Variants in SLC1A2 observed in about 807,000 individuals in gnomAD.
SLC1A2 encodes the protein excitatory amino acid transporter 2.
Under a neutral mutation model 48.8 loss-of-function variants are expected in SLC1A2, and 15 were observed. The observed-to-expected ratio is 0.31, with a 90% CI of 0.21 to 0.47. The LOEUF (loss-of-function observed/expected upper bound fraction) is 0.47, where lower values mean the gene tolerates loss of function less well. SLC1A2 is among the 20% of genes least tolerant of loss of function. The probability of loss-of-function intolerance (pLI) is 0.99; values close to 1 mark genes in which losing one functional copy is unlikely to be tolerated. For missense variants in SLC1A2, 502 were observed against 730.5 expected (o/e 0.69, Z 3.61); for synonymous variants, 279 against 272.6 (o/e 1.02, Z -0.23).
intron 4 of SLC1A2, among the ~76,000 whole-genome samples, chr11:35,308,592 G>A (rs1446244866): frequency 6.6e-6 from 1 of 152,288 alleles, no homozygotes; most frequent in African/African-American, 2.4e-5. Flanking sequence ...AGGTAGAAAG[G>A]CAAAGAGAGG....
Position 35,312,416 on chromosome 11 carries a change from G to C in SLC1A2, c.343C>G (p.Arg115Gly). The C allele has an allele frequency of 6.2e-7, 1 of 1,614,078 alleles. No individual in the cohort carries two copies. The highest frequency in any genetic ancestry group is 8.5e-7 in the Non-Finnish European group (1 of 1,179,968). Residue 115 changes from arginine to glycine, a missense_variant, in exon 4 of 11, where the codon CGC (arginine) becomes GGC (glycine). Physicochemically the swap from Arg to Gly is moderately radical, Grantham distance 125 (BLOSUM62 -2). This residue lies in a region of SLC1A2 where 309 missense variants were observed against 480.3 expected (regional missense o/e 0.64). Coordinates refer to ENST00000278379, the MANE Select transcript of SLC1A2 (RefSeq NM_004171.4). ...LSGLDAKASG[R>G]LGTRAMVYYM... Reference sequence around the variant, plus strand: ...TACACCATGGCTCTCGTGCCCAAGCGGCCACTAGCCTTAGCATCCAGGCCT... The same window carrying C: ...TACACCATGGCTCTCGTGCCCAAGCCGCCACTAGCCTTAGCATCCAGGCCT...
rs756647232 is a variant in SLC1A2, at chr11:35,312,249, G to A, written c.510C>T (p.Asp170=). ...TTTCAGGGAAGAGATTTCGAATAAG[G>A]TCCAGGAAGGCATCCAGGCTGGACA... ...DEVSSLDAFL[D]LIRNLFPENL... The change falls in exon 4 of 11, where the codon GAC becomes GAT. Residue 170 remains aspartate, a synonymous_variant. Coordinates refer to ENST00000278379, the MANE Select transcript of SLC1A2 (RefSeq NM_004171.4). 1.2e-6 allele frequency: 2 copies of A among 1,614,078 alleles called. No individual in the cohort carries two copies. The highest frequency in any genetic ancestry group is 2.2e-5 in the South Asian group (2 of 91,076).
chr11:35,300,826 G>A (rs1393643870), intron 6 of SLC1A2, among the ~76,000 whole-genome samples: 1 of 152,008 alleles, frequency 6.6e-6, no homozygotes, highest in Non-Finnish European at 1.5e-5. Context: ...GATCAGCCTG[G>A]GTAATATAGT....
intron 1 of SLC1A2, among the ~76,000 whole-genome samples, chr11:35,351,867 A>G (rs939913914): frequency 2.6e-5 from 4 of 151,394 alleles, no homozygotes; most frequent in Non-Finnish European, 4.4e-5. Flanking sequence ...AACTCCTGAC[A>G]TCATGATCCA....
chr11:35,384,468 G>A (rs113865364), intron 1 of SLC1A2, among the ~76,000 whole-genome samples: 62 of 152,278 alleles, frequency 4.1e-4, no homozygotes, highest in African/African-American at 1.3e-3. Flanking sequence ...GAATAAGGAA[G>A]ACCCACTCAG....
intron 1 of SLC1A2, chr11:35,352,181 T>C (rs1853284193): frequency 6.6e-6 from 1 of 152,190 alleles, no homozygotes; most frequent in Non-Finnish European, 1.5e-5. Flanking sequence ...AACAAAGAAC[T>C]ACTTAATCTA....
chr11:35,322,558 C>T, intron 1 of SLC1A2: 1 of 1,511,326 alleles, frequency 6.6e-7, no homozygotes, highest in South Asian at 1.2e-5. Context: ...GGGCTTCACC[C>T]ACCTGTCCTT....
intron 1 of SLC1A2, chr11:35,322,755 C>T: frequency 1.2e-6 from 1 of 822,154 alleles, no homozygotes; most frequent in South Asian, 1.4e-5. Flanking sequence ...GATAAGAATG[C>T]TGGAAATACC....
chr11:35,281,796 T>A (rs1314141638), intron 8 of SLC1A2: 2 of 152,132 alleles, frequency 1.3e-5, no homozygotes, highest in African/African-American at 4.8e-5. Context: ...GGGCAGTGAC[T>A]CTTTTTCCTC....
intron 1 of SLC1A2, among the ~76,000 whole-genome samples, chr11:35,401,722 T>C (rs191351738): frequency 6.6e-6 from 1 of 152,300 alleles, no homozygotes; most frequent in Admixed American, 6.5e-5. Flanking sequence ...TTTATCCACG[T>C]ACCTACTCAC....
At chr11:35,288,677 T>C (rs1345496561) in intron 7 of SLC1A2, among the ~76,000 whole-genome samples, 1 of 152,200 alleles carries the variant, frequency 6.6e-6, no homozygotes, top group Non-Finnish European at 1.5e-5. Flanking sequence ...GACAATTAAG[T>C]CGACTGGGAA....
chr11:35,400,679 T>C (rs1855107946), intron 1 of SLC1A2, among the ~76,000 whole-genome samples: 1 of 152,122 alleles, frequency 6.6e-6, no homozygotes, highest in African/African-American at 2.4e-5. Context: ...CCCATGAAAA[T>C]TTCTAGAGGG....
At chr11:35,375,197 T>C (rs963084326) in intron 1 of SLC1A2, among the ~76,000 whole-genome samples, 1 of 152,138 alleles carries the variant, frequency 6.6e-6, no homozygotes, top group African/African-American at 2.4e-5. Context: ...CTGCAGAGAA[T>C]AAAACCTCAT....
At chr11:35,355,908 A>G (rs1011412972) in intron 1 of SLC1A2, among the ~76,000 whole-genome samples, 8 of 144,052 alleles carry the variant, frequency 5.6e-5, no homozygotes, top group Non-Finnish European at 1.1e-4. Flanking sequence ...AAAAAAAAAA[A>G]TCTTAGCTGA....
intron 9 of SLC1A2, among the ~76,000 whole-genome samples, chr11:35,272,410 CA>C (rs144381074): frequency 1.0e-3 from 158 of 152,344 alleles, no homozygotes; most frequent in African/African-American, 3.7e-3. Flanking sequence ...TTCTCTGCCA[CA>C]AGGCATTCTG....
intron 1 of SLC1A2, among the ~76,000 whole-genome samples, chr11:35,337,133 G>T (rs1852663901): frequency 6.6e-6 from 1 of 152,048 alleles, no homozygotes; most frequent in Admixed American, 6.6e-5. Context: ...CAAAATCCAG[G>T]GAGGGTTTTG....
At chr11:35,332,782 C>T (rs533654656) in intron 1 of SLC1A2, among the ~76,000 whole-genome samples, 68 of 152,236 alleles carry the variant, frequency 4.5e-4, no homozygotes, top group Non-Finnish European at 8.5e-4. Flanking sequence ...CTCCACAGTT[C>T]CTTAGGGCAG....
At chr11:35,323,770 T>C (rs1042906566) in intron 1 of SLC1A2, among the ~76,000 whole-genome samples, 3 of 152,214 alleles carry the variant, frequency 2.0e-5, no homozygotes, top group Admixed American at 6.5e-5. Flanking sequence ...TTCTTGATGT[T>C]TTTGTGTTCC....
intron 1 of SLC1A2, among the ~76,000 whole-genome samples, chr11:35,330,510 C>T (rs2134981120): frequency 6.6e-6 from 1 of 152,280 alleles, no homozygotes; most frequent in South Asian, 2.1e-4. Context: ...TGTCCATGTC[C>T]TAATCCCCAG....
Sources: allele counts gnomAD v4.1 joint callset (sites outside exome capture counted in the v4.1 genomes callset), GRCh38; gene constraint gnomAD v4.1.1; regional missense constraint gnomAD v4.1.1; transcripts MANE v1.5; gene names NCBI Gene and HGNC (gene_info 2026-07-23, HGNC 2026-07-21).